The following RNF168 variants were observed in gnomAD, a reference collection of about 807,000 sequenced individuals.
RNF168 encodes the protein E3 ubiquitin-protein ligase RNF168.
RNF168 carries 34 observed loss-of-function variants against 34.9 expected under a neutral mutation model. The ratio of observed to expected loss-of-function variants is 0.97; its 90% CI spans 0.74 to 1.30. RNF168 has a LOEUF of 1.30. RNF168 is among the 50% of genes most tolerant of loss of function. The pLI, the probability that RNF168 is intolerant of heterozygous loss-of-function variation, is 0.00. For missense variants in RNF168, 725 were observed against 682.5 expected (o/e 1.06, Z -0.69); for synonymous variants, 264 against 254.7 (o/e 1.04, Z -0.35).
intron 1 of RNF168, among the ~76,000 whole-genome samples, chr3:196,495,324 A>C (rs1487363416): frequency 6.6e-6 from 1 of 152,152 alleles, no homozygotes; most frequent in African/African-American, 2.4e-5. Flanking sequence ...ATTAACATTG[A>C]TATATTACCC....
rs1732944413 is a variant in RNF168, at chr3:196,503,113, C to T, written c.61G>A (p.Glu21Lys). The change falls in exon 1 of 6, where the codon GAA becomes AAA. Residue 21 changes from glutamate (E) to lysine (K), a missense_variant. Glu to Lys is a moderately conservative substitution (Grantham distance 56). Transcript: ENST00000318037. The stretch of plus-strand genomic sequence containing the variant: ...AGGGTGACGGGCTCCACGAGGATTT[C>T]CATGCAGATCCCGCACTGGCACTCG... Reference protein sequence around the residue: ...LSECQCGICMEILVEPVTLPC... With the variant: ...LSECQCGICMKILVEPVTLPC... 1.2e-6 allele frequency: 2 copies of T among 1,614,118 alleles called. No homozygotes were observed. The highest frequency in any genetic ancestry group is 1.7e-6 in the Non-Finnish European group (2 of 1,179,988).
intron 1 of RNF168, among the ~76,000 whole-genome samples, chr3:196,495,737 T>C (rs73219641): frequency 0.065 from 9,856 of 152,284 alleles, 390 homozygotes; most frequent in Middle Eastern, 0.2. Context: ...TTTCAGACTA[T>C]ATGAGTCCTC....
chr3:196,496,192 T>C (rs1226483416), intron 1 of RNF168, among the ~76,000 whole-genome samples: 1 of 152,236 alleles, frequency 6.6e-6, no homozygotes, highest in African/African-American at 2.4e-5. Context: ...AGGGCCACCA[T>C]AGAAAAGTAC....
intron 5 of RNF168, 133 bp from the exon 6 acceptor site, chr3:196,472,905 C>A (rs1042366806): frequency 6.7e-6 from 4 of 592,752 alleles, no homozygotes; most frequent in African/African-American, 5.6e-5. Context: ...ATATTTCTTT[C>A]TTTCTTTTCT....
chr3:196,491,254 A>G (rs948478465), intron 1 of RNF168, among the ~76,000 whole-genome samples: 19 of 152,148 alleles, frequency 1.2e-4, no homozygotes, highest in African/African-American at 4.3e-4. Flanking sequence ...CGGAGGCTGC[A>G]GTGAGCCGAC....
intron 1 of RNF168, among the ~76,000 whole-genome samples, chr3:196,490,541 G>T (rs73891263): frequency 6.6e-6 from 1 of 151,646 alleles, no homozygotes. Flanking sequence ...CCCTGACTTC[G>T]CCACTGTGCA....
chr3:196,485,422 G>A (rs899948360), intron 3 of RNF168, among the ~76,000 whole-genome samples: 9 of 151,912 alleles, frequency 5.9e-5, no homozygotes, highest in Admixed American at 5.3e-4. Flanking sequence ...CAGGAGCATC[G>A]CTTGAACCGG....
intron 4 of RNF168, among the ~76,000 whole-genome samples, chr3:196,480,444 A>G (rs74924422): frequency 0.065 from 9,941 of 152,256 alleles, 399 homozygotes; most frequent in Middle Eastern, 0.2. Flanking sequence ...TTGCATCTCT[A>G]AACACTTTAT....
At chr3:196,491,615 C>T (rs1456947386) in intron 1 of RNF168, among the ~76,000 whole-genome samples, 1 of 152,176 alleles carries the variant, frequency 6.6e-6, no homozygotes, top group Non-Finnish European at 1.5e-5. Context: ...CACTGCACTC[C>T]AGCCTGGGCG....
intron 4 of RNF168, among the ~76,000 whole-genome samples, chr3:196,476,317 C>T (rs189754716): frequency 3.9e-5 from 6 of 152,094 alleles, no homozygotes; most frequent in Admixed American, 6.6e-5. Flanking sequence ...TGGCTGTTCA[C>T]GACATTTTAA....
intron 4 of RNF168, among the ~76,000 whole-genome samples, chr3:196,478,241 A>G (rs1560268224): frequency 6.6e-6 from 1 of 151,742 alleles, no homozygotes; most frequent in African/African-American, 2.4e-5. Flanking sequence ...CTGCCTCCTT[A>G]CGTATTTTAA....
chr3:196,486,010 ACT>A (rs1732413377), intron 3 of RNF168, among the ~76,000 whole-genome samples: 1 of 152,060 alleles, frequency 6.6e-6, no homozygotes, highest in Non-Finnish European at 1.5e-5. Context: ...TTCCCAGGTT[ACT>A]CTGCCAGGCT....
chr3:196,501,627 A>C (rs778411239), intron 1 of RNF168, among the ~76,000 whole-genome samples: 2 of 152,224 alleles, frequency 1.3e-5, no homozygotes, highest in Non-Finnish European at 2.9e-5. Flanking sequence ...AAAGTTCTGG[A>C]AACAGTGGTG....
intron 1 of RNF168, among the ~76,000 whole-genome samples, chr3:196,500,426 C>T (rs752054468): frequency 6.6e-6 from 1 of 152,136 alleles, no homozygotes; most frequent in Non-Finnish European, 1.5e-5. Flanking sequence ...TATGAAAATT[C>T]CACTTACAGG....
At chr3:196,483,275 T>C (rs559380736) in intron 4 of RNF168, among the ~76,000 whole-genome samples, 1 of 152,314 alleles carries the variant, frequency 6.6e-6, no homozygotes, top group East Asian at 1.9e-4. Flanking sequence ...GTTTTTAAAC[T>C]TTTCCAACTG....
chr3:196,503,163 G>A lies in RNF168; in HGVS notation c.11C>T (p.Pro4Leu). The change falls in exon 1 of 6, where the codon CCC becomes CTC. Residue 4 changes from proline (P) to leucine (L), a missense_variant. Physicochemically the swap from Pro to Leu is moderately conservative, Grantham distance 98. Transcript: ENST00000318037. MAL[P>L]KDAIPSLSEC... Reference sequence around the variant, plus strand: ...GGACAGCGAGGGGATGGCGTCTTTGGGTAGAGCCATTTCAATATGTTAGTA... The same window carrying A: ...GGACAGCGAGGGGATGGCGTCTTTGAGTAGAGCCATTTCAATATGTTAGTA... 1 of 1,613,854 alleles carries A rather than the reference G, an allele frequency of 6.2e-7. No individual in the cohort carries two copies. Among genetic ancestry groups the A allele is most frequent in the Non-Finnish European group, 8.5e-7 (1 of 1,179,840 alleles).
chr3:196,492,098 G>T (rs187761694), intron 1 of RNF168, among the ~76,000 whole-genome samples: 9 of 152,140 alleles, frequency 5.9e-5, no homozygotes, highest in South Asian at 4.1e-4. Flanking sequence ...TTCATGTCAC[G>T]CAACTGTCCA....
At chr3:196,490,968 G>A (rs1219727985) in intron 1 of RNF168, among the ~76,000 whole-genome samples, 1 of 152,176 alleles carries the variant, frequency 6.6e-6, no homozygotes, top group Non-Finnish European at 1.5e-5. Context: ...AACCCTGGAG[G>A]TATCTGAGAC....
rs1408055704 is a variant in RNF168, at chr3:196,474,949, A to G, written c.762+282T>C. ...TTATCTATAGATGCTTTCACACTAC[A>G]CCAGCGTAGCTGAGAAGCTGTGACA... On this transcript the variant is annotated intron_variant, in intron 5 of 5. Coordinates refer to ENST00000318037, the MANE Select transcript of RNF168 (RefSeq NM_152617.4). 4 of 415,882 alleles carry G rather than the reference A, an allele frequency of 9.6e-6. No individual in the cohort carries two copies. The East Asian group carries it at 1.5e-4, about 16-fold the overall frequency. 25.8% of individuals were successfully genotyped at this position (415,882 alleles called of 1,614,324 possible).
Sources: gnomAD v4.1 joint callset for allele counts (sites outside exome capture counted in the v4.1 genomes callset) on GRCh38, gnomAD v4.1.1 for gene constraint, MANE v1.5 for transcripts, NCBI Gene and HGNC (gene_info 2026-07-23, HGNC 2026-07-21) for gene names.